Variants in RAB11FIP4 observed in about 807,000 individuals in gnomAD.
RAB11FIP4 encodes the protein rab11 family-interacting protein 4.
RAB11FIP4 carries 23 observed loss-of-function variants against 74.3 expected under a neutral mutation model. The observed-to-expected ratio is 0.31, with a 90% CI of 0.22 to 0.44. The LOEUF (loss-of-function observed/expected upper bound fraction) is 0.44. Among genes scored for constraint, RAB11FIP4 ranks in the 20% least tolerant of loss-of-function variants. The pLI is 1.00. For missense variants in RAB11FIP4, 630 were observed against 863.9 expected (o/e 0.73, Z 3.39); for synonymous variants, 360 against 359.9 (o/e 1.00, Z 0.00).
intron 3 of RAB11FIP4, among the ~76,000 whole-genome samples, chr17:31,494,929 C>CTG (rs2142759100): frequency 6.6e-6 from 1 of 152,372 alleles, no homozygotes; most frequent in South Asian, 2.1e-4. Context: ...GTGAGGGAGA[C>CTG]TGTACCTAGC....
At chr17:31,498,557 T>A (rs576530369) in intron 3 of RAB11FIP4, among the ~76,000 whole-genome samples, 108 of 152,134 alleles carry the variant, frequency 7.1e-4, no homozygotes, top group African/African-American at 2.5e-3. Flanking sequence ...GAAGGGCGGG[T>A]CACGTGGAGC....
chr17:31,525,197 A>T lies in RAB11FIP4; in HGVS notation c.1241A>T (p.Glu414Val). The T allele has an allele frequency of 6.5e-7, 1 of 1,548,700 alleles. No homozygotes were observed. Among genetic ancestry groups the T allele is most frequent in the Non-Finnish European group, 8.7e-7 (1 of 1,146,838 alleles). ...GAGGCCTACGGCAAGCTGGAGAGGGAGAAGGCTACCGAGGTGGAGCTGCTC... is the reference window on the plus strand; with the variant it reads ...GAGGCCTACGGCAAGCTGGAGAGGGTGAAGGCTACCGAGGTGGAGCTGCTC... ...HREAYGKLER[E>V]KATEVELLNA... The change falls in exon 10 of 15, where the codon GAG becomes GTG. Residue 414 changes from glutamate to valine, a missense_variant. Physicochemically the swap from Glu to Val is moderately radical, Grantham distance 121. Transcript: ENST00000621161.
chr17:31,446,257 T>C (rs2142695910), intron 3 of RAB11FIP4, among the ~76,000 whole-genome samples: 1 of 152,246 alleles, frequency 6.6e-6, no homozygotes, highest in East Asian at 1.9e-4. Flanking sequence ...AAATGCATAT[T>C]GTTGGCACCC....
At chr17:31,416,641 G>A (rs1016823215) in intron 1 of RAB11FIP4, among the ~76,000 whole-genome samples, 2 of 152,120 alleles carry the variant, frequency 1.3e-5, no homozygotes, top group Admixed American at 6.5e-5. Context: ...GGAGCATCTC[G>A]CCTGAAGCCC....
chr17:31,453,367 A>C (rs911399446), intron 3 of RAB11FIP4, among the ~76,000 whole-genome samples: 3 of 122,478 alleles, frequency 2.4e-5, no homozygotes, highest in African/African-American at 9.0e-5. Flanking sequence ...AAAAAAAAAA[A>C]AAAAAAAAAA....
chr17:31,471,526 C>T (rs1374022972), intron 3 of RAB11FIP4, among the ~76,000 whole-genome samples: 4 of 152,190 alleles, frequency 2.6e-5, no homozygotes, highest in African/African-American at 9.7e-5. Flanking sequence ...AGATACTATT[C>T]CTATCCCCAT....
intron 3 of RAB11FIP4, among the ~76,000 whole-genome samples, chr17:31,499,361 T>G (rs569281060): frequency 6.6e-6 from 1 of 152,224 alleles, no homozygotes; most frequent in Middle Eastern, 3.4e-3. Flanking sequence ...CTTCCTTTCT[T>G]TCTTCTTTTT....
At chr17:31,519,429 G>A (rs2072622129) in intron 4 of RAB11FIP4, among the ~76,000 whole-genome samples, 1 of 152,200 alleles carries the variant, frequency 6.6e-6, no homozygotes, top group Non-Finnish European at 1.5e-5. Context: ...TGACTTCCCA[G>A]TGAAGCAGTT....
intron 3 of RAB11FIP4, among the ~76,000 whole-genome samples, chr17:31,505,082 T>A (rs1163024968): frequency 6.6e-6 from 1 of 152,116 alleles, no homozygotes; most frequent in Non-Finnish European, 1.5e-5. Context: ...TGTGTACCTC[T>A]TAGGCATCGC....
At chr17:31,504,192 G>A (rs1381501005) in intron 3 of RAB11FIP4, among the ~76,000 whole-genome samples, 1 of 145,942 alleles carries the variant, frequency 6.9e-6, no homozygotes, top group East Asian at 2.0e-4. Flanking sequence ...GTGCAGTGGC[G>A]CGACCTCGGC....
chr17:31,476,506 T>C (rs2071794632), intron 3 of RAB11FIP4, among the ~76,000 whole-genome samples: 1 of 152,132 alleles, frequency 6.6e-6, no homozygotes, highest in Non-Finnish European at 1.5e-5. Flanking sequence ...ATTAACTCTG[T>C]TGGTCACATA....
At chr17:31,448,555 T>C (rs767756972) in intron 3 of RAB11FIP4, 22 of 151,984 alleles carry the variant, frequency 1.4e-4, no homozygotes, top group Non-Finnish European at 2.9e-4. Context: ...ATAAAGTAAA[T>C]GCAGTGTTCA....
At chr17:31,492,278 T>A (rs139731418) in intron 3 of RAB11FIP4, among the ~76,000 whole-genome samples, 337 of 152,320 alleles carry the variant, frequency 2.2e-3, no homozygotes, top group African/African-American at 7.8e-3. Context: ...CACTCCCACA[T>A]TTGAGCAGCA....
intron 1 of RAB11FIP4, among the ~76,000 whole-genome samples, chr17:31,416,571 C>T (rs1251120461): frequency 6.6e-6 from 1 of 152,208 alleles, no homozygotes; most frequent in Non-Finnish European, 1.5e-5. Context: ...ATACAGGGTC[C>T]TATTGTGTGC....
chr17:31,426,791 G>C (rs1228558762), intron 1 of RAB11FIP4, among the ~76,000 whole-genome samples: 1 of 151,602 alleles, frequency 6.6e-6, no homozygotes, highest in Non-Finnish European at 1.5e-5. Context: ...TAGTAGAGAC[G>C]GGGTTTCACC....
At chr17:31,471,473 T>A (rs2071736013) in intron 3 of RAB11FIP4, among the ~76,000 whole-genome samples, 1 of 152,120 alleles carries the variant, frequency 6.6e-6, no homozygotes, top group Non-Finnish European at 1.5e-5. Context: ...CTAACTGCTT[T>A]AGACATGTTA....
intron 3 of RAB11FIP4, among the ~76,000 whole-genome samples, chr17:31,467,844 CT>C (rs2071700371): frequency 6.6e-6 from 1 of 152,224 alleles, no homozygotes; most frequent in South Asian, 2.1e-4. Flanking sequence ...GGGGCCCATT[CT>C]AATTAAGGTA....
At chr17:31,529,660 GAA>G (rs1021533319) in intron 13 of RAB11FIP4, among the ~76,000 whole-genome samples, 5 of 152,224 alleles carry the variant, frequency 3.3e-5, no homozygotes, top group African/African-American at 1.2e-4. Flanking sequence ...GGTGCTGGGT[GAA>G]GTGTCAGCTC....
At chr17:31,505,922 G>T (rs1342250120) in intron 3 of RAB11FIP4, among the ~76,000 whole-genome samples, 4 of 145,430 alleles carry the variant, frequency 2.8e-5, no homozygotes, top group African/African-American at 7.7e-5. Context: ...ATGTTTCCCA[G>T]GCTGGCCTGG....
Sources: allele counts gnomAD v4.1 joint callset (sites outside exome capture counted in the v4.1 genomes callset), GRCh38; gene constraint gnomAD v4.1.1; transcripts MANE v1.5; gene names NCBI Gene and HGNC (gene_info 2026-07-23, HGNC 2026-07-21).